Variants in WDR18 observed in about 807,000 individuals in gnomAD.
WDR18 encodes the protein WD repeat domain 18, also known as WD repeat-containing protein 18.
In WDR18, 33 loss-of-function variants were observed where a neutral mutation model predicts 49.6. The ratio of observed to expected loss-of-function variants is 0.67; its 90% CI spans 0.50 to 0.89. The LOEUF (loss-of-function observed/expected upper bound fraction) is 0.89, where lower values mean the gene tolerates loss of function less well. Ranked by LOEUF, WDR18 falls within the 40% of genes least tolerant of loss-of-function variation. The pLI, the probability that WDR18 is intolerant of heterozygous loss-of-function variation, is 0.00. For synonymous variants in WDR18, 315 were observed against 263.6 expected (o/e 1.19, Z -1.89); for missense variants, 653 against 593.6 (o/e 1.10, Z -1.04).
intron 7 of WDR18, 133 bp from the exon 8 acceptor site, chr19:991,822 G>T: frequency 9.7e-7 from 1 of 1,027,300 alleles, no homozygotes; most frequent in Non-Finnish European, 1.3e-6. Context: ...GCGGGGCCTG[G>T]CTGGGGGCGT....
At position 992,110 on chromosome 19, in the gene WDR18, C is replaced by T. The variant is rs1490502317; in HGVS notation, c.1087C>T (p.Leu363Phe). ...RHGGLTLRLG[L>F]HQQGSEPSYL... ...CGGGGGCCTCACTCTGCGCCTGGGC[C>T]TCCACCAGCAGGTACGGCCCCCAGC... The change falls in exon 8 of 10, where the codon CTC becomes TTC. Residue 363 changes from leucine to phenylalanine, a missense_variant. Transcript: ENST00000585809. The T allele has an allele frequency of 6.7e-7, 1 of 1,492,674 alleles. No individual in the cohort carries two copies. The highest frequency in any genetic ancestry group is 8.9e-7 in the Non-Finnish European group (1 of 1,126,156). 92.5% of individuals were successfully genotyped at this position (1,492,674 alleles called of 1,614,324 possible). A position where few individuals can be genotyped will look rare whatever the true frequency, so the allele number is the denominator to read the frequency against.
Position 990,931 on chromosome 19 carries a change from C to T in WDR18, c.677C>T (p.Ala226Val). The T allele has an allele frequency of 6.2e-7, 1 of 1,612,758 alleles. No homozygotes were observed. Among genetic ancestry groups the T allele is most frequent in the Non-Finnish European group, 8.5e-7 (1 of 1,179,870 alleles). ...VSIMAVTMDL[A>V]EHHMFCGGSE... Reference sequence around the variant, plus strand: ...ATCATGGCAGTGACCATGGACCTGGCTGAGCACCATATGTTCTGCGGGGGC... The same window carrying T: ...ATCATGGCAGTGACCATGGACCTGGTTGAGCACCATATGTTCTGCGGGGGC... Residue 226 changes from alanine to valine, a missense_variant, in exon 5 of 10, where the codon GCT (alanine) becomes GTT (valine). Coordinates refer to ENST00000585809, the MANE Select transcript of WDR18 (RefSeq NM_024100.4).
Position 994,397 on chromosome 19 carries a change from C to T in WDR18, c.*53C>T. 2 of 1,558,230 alleles carry T rather than the reference C, an allele frequency of 1.3e-6. No homozygotes were observed. Among genetic ancestry groups the T allele is most frequent in the Non-Finnish European group, 1.7e-6 (2 of 1,154,832 alleles). On this transcript the variant is annotated 3_prime_UTR_variant, in exon 10 of 10. Coordinates refer to ENST00000585809, the MANE Select transcript of WDR18 (RefSeq NM_024100.4). ...CAGGCCTGAGCCCCATGCCTCCCAG[C>T]AACCAGGGCCCGCGGGTGTGGCCCC...
At chr19:983,559 G>T (rs2038440062), upstream of WDR18, among the ~76,000 whole-genome samples, 1 of 144,146 alleles carries the variant, frequency 6.9e-6, no homozygotes, top group African/African-American at 2.7e-5. Context: ...AAAGCGCCCG[G>T]CCTTTTTTTT....
At position 994,335 on chromosome 19, in the gene WDR18, G is replaced by C. The variant is rs770734755; in HGVS notation, c.1290G>C (p.Pro430=). ...TCTCCACGCGCTTCATCACGCGGCCGGCCAAGTGAGGCCCGGAGACCCCGG... is the reference window on the plus strand; with the variant it reads ...TCTCCACGCGCTTCATCACGCGGCCCGCCAAGTGAGGCCCGGAGACCCCGG... ...FDFSTRFITR[P]AK Residue 430 remains proline, a synonymous_variant, in exon 10 of 10, where the codon CCG becomes CCC. Coordinates refer to ENST00000585809, the MANE Select transcript of WDR18 (RefSeq NM_024100.4). 3.1e-6 allele frequency: 5 copies of C among 1,608,640 alleles called. No homozygotes were observed. The South Asian group carries it at 3.3e-5, about 11-fold the overall frequency.
At position 990,266 on chromosome 19, in the gene WDR18, G is replaced by A. The variant is rs1277896604; in HGVS notation, c.499G>A (p.Val167Ile). The A allele has an allele frequency of 1.1e-5, 17 of 1,599,256 alleles. No individual in the cohort carries two copies. Among genetic ancestry groups the A allele is most frequent in the Admixed American group, 3.3e-5 (2 of 59,858 alleles). The change falls in exon 4 of 10, where the codon GTC becomes ATC. Residue 167 changes from valine (V) to isoleucine (I), a missense_variant. Transcript: ENST00000585809. ...DPSRIPAPRH[V>I]WSHHALPITD... ...CTCCAGGATTCCGGCGCCCAGGCAC[G>A]TCTGGTCTCACCACGCGCTCCCCAT...
intron 8 of WDR18, 134 bp from the exon 9 acceptor site, chr19:993,886 T>A (rs1050654404): frequency 4.1e-6 from 4 of 973,240 alleles, no homozygotes; most frequent in Non-Finnish European, 6.2e-6. Context: ...GTCTCAGTCT[T>A]CCCTTCTGTC....
upstream of WDR18, among the ~76,000 whole-genome samples, chr19:983,173 T>C (rs1599441813): frequency 2.0e-5 from 3 of 152,238 alleles, no homozygotes; most frequent in South Asian, 6.2e-4. Context: ...CCGGACGTTG[T>C]GGCTGAAGCC....
chr19:991,072 C>T lies in WDR18; in HGVS notation c.742-9C>T. 5.0e-6 allele frequency: 8 copies of T among 1,603,252 alleles called. No homozygotes were observed. The highest frequency in any genetic ancestry group is 6.8e-6 in the Non-Finnish European group (8 of 1,175,146). On this transcript the variant is annotated splice_polypyrimidine_tract_variant and intron_variant, in intron 5 of 9. Coordinates refer to ENST00000585809, the MANE Select transcript of WDR18 (RefSeq NM_024100.4). ...GGCCTGCGGCTCACACACGTCTCGG[C>T]CTTCGCAGCCCGGACAGAGGGAGAG...
intron 2 of WDR18, among the ~76,000 whole-genome samples, chr19:987,829 G>GTTTTTTTTGTTTTTTTTTTTTTTTTT (rs2038490657): frequency 4.4e-5 from 4 of 91,806 alleles, no homozygotes; most frequent in South Asian, 4.5e-4. Context: ...GCCGCCTCCA[G>GTTTTTTTTGTTTTTTTTTTTTTTTTT]TTTTTTTTTT....
chr19:990,372 GC>G lies in WDR18; in HGVS notation c.597+13del. On this transcript the variant is annotated intron_variant, in intron 4 of 9. Coordinates refer to ENST00000585809, the MANE Select transcript of WDR18 (RefSeq NM_024100.4). ...CTGGACCAGACGGTGAAGGTACGCC[GC>G]CCCCACCCCACCACGGTCCATGAGC... 1.3e-6 allele frequency: 2 copies of G among 1,536,474 alleles called. No individual in the cohort carries two copies. Among genetic ancestry groups the G allele is most frequent in the Non-Finnish European group, 8.7e-7 (1 of 1,148,052 alleles).
Position 991,300 on chromosome 19 carries a change from C to T in WDR18, c.880C>T (p.Arg294Cys), listed in dbSNP as rs773915100. Residue 294 changes from arginine to cysteine, a missense_variant, in exon 7 of 10, where the codon CGC (arginine) becomes TGC (cysteine). Arg to Cys is a radical substitution (Grantham distance 180). Transcript: ENST00000585809. The stretch of plus-strand genomic sequence containing the variant: ...CTCAGGCTCCCACGACGAGACCGTG[C>T]GCCTCTGGGACGTGCAGAGCAAGCA... Reference protein sequence around the residue: ...LLSGSHDETVRLWDVQSKQCI... With the variant: ...LLSGSHDETVCLWDVQSKQCI... The T allele has an allele frequency of 1.9e-6, 3 of 1,561,832 alleles. No individual in the cohort carries two copies. Among genetic ancestry groups the T allele is most frequent in the Non-Finnish European group, 1.7e-6 (2 of 1,152,996 alleles).
chr19:986,800 T>G (rs185373086), intron 2 of WDR18, among the ~76,000 whole-genome samples: 2 of 152,310 alleles, frequency 1.3e-5, no homozygotes, highest in East Asian at 3.9e-4. Context: ...TCAGGCCTCT[T>G]GGAGTTTGGC....
chr19:990,765 C>T (rs1023178107), intron 4 of WDR18, 87 bp from the exon 5 acceptor site: 69 of 1,503,002 alleles, frequency 4.6e-5, no homozygotes, highest in Non-Finnish European at 5.7e-5. Flanking sequence ...GGACAGCCGA[C>T]GCCTGACCTC....
chr19:988,276 C>T (rs995014135), intron 2 of WDR18, among the ~76,000 whole-genome samples: 14 of 151,926 alleles, frequency 9.2e-5, no homozygotes, highest in African/African-American at 3.4e-4. Context: ...GGTGTGTGAG[C>T]GGTGAGTCAG....
intron 7 of WDR18, 64 bp downstream of exon 7, chr19:991,415 G>C (rs2038546678): frequency 1.1e-5 from 16 of 1,431,950 alleles, no homozygotes; most frequent in Admixed American, 4.9e-5. Flanking sequence ...GGAGCTCCGG[G>C]CTTGGCTTGG....
Position 990,961 on chromosome 19 carries a change from A to G in WDR18, c.707A>G (p.Glu236Gly). The change falls in exon 5 of 10, where the codon GAG becomes GGG. Residue 236 changes from glutamate (E) to glycine (G), a missense_variant. Physicochemically the swap from Glu to Gly is moderately conservative, Grantham distance 98 (BLOSUM62 -2). Transcript: ENST00000585809. ...CACCATATGTTCTGCGGGGGCAGTG[A>G]GGGCTCCATCTTCCAGGTCGACCTC... is the stretch of plus-strand genomic sequence containing the variant. Reference protein sequence around the residue: ...AEHHMFCGGSEGSIFQVDLFT... With the variant: ...AEHHMFCGGSGGSIFQVDLFT... 2 of 1,611,832 alleles carry G rather than the reference A, an allele frequency of 1.2e-6. No individual in the cohort carries two copies. Among genetic ancestry groups the G allele is most frequent in the Non-Finnish European group, 1.7e-6 (2 of 1,179,360 alleles).
In WDR18 at chr19:990,217, G is replaced by T; in HGVS notation, c.456-6G>T. 1 of 1,594,906 alleles carries T rather than the reference G, an allele frequency of 6.3e-7. No individual in the cohort carries two copies. Among genetic ancestry groups the T allele is most frequent in the East Asian group, 2.2e-5 (1 of 44,768 alleles). Reference sequence around the variant, plus strand: ...GCCTGCTGAGCACCTGCCCCACCCCGCTCAGCGTGCTGCAGGCCGACCCCT... The same window carrying T: ...GCCTGCTGAGCACCTGCCCCACCCCTCTCAGCGTGCTGCAGGCCGACCCCT... On this transcript the variant is annotated splice_polypyrimidine_tract_variant and splice_region_variant and intron_variant, in intron 3 of 9. Coordinates refer to ENST00000585809, the MANE Select transcript of WDR18 (RefSeq NM_024100.4).
At chr19:990,143 C>G (rs922662499) in intron 3 of WDR18, 80 bp from the exon 4 acceptor site, 3 of 1,464,784 alleles carry the variant, frequency 2.0e-6, no homozygotes, top group Non-Finnish European at 2.7e-6. Flanking sequence ...CAGGTGTGTG[C>G]GTGAGGTGGG....
Sources: allele counts gnomAD v4.1 joint callset (sites outside exome capture counted in the v4.1 genomes callset), GRCh38; gene constraint gnomAD v4.1.1; transcripts MANE v1.5; gene names NCBI Gene and HGNC (gene_info 2026-07-23, HGNC 2026-07-21).